Variants in NSUN6 observed in about 807,000 individuals in gnomAD.
NSUN6 encodes the protein NOP2/Sun RNA methyltransferase 6, also known as tRNA (cytosine(72)-C(5))-methyltransferase NSUN6.
In NSUN6, 64 loss-of-function variants were observed where a neutral mutation model predicts 58.0. That is an observed-to-expected ratio of 1.10 (90% confidence interval 0.90 to 1.36). The LOEUF (loss-of-function observed/expected upper bound fraction) is 1.36. Among genes scored for constraint, NSUN6 ranks in the 40% most tolerant of loss-of-function variants. The probability of loss-of-function intolerance (pLI) is 0.00; values close to 1 mark genes in which losing one functional copy is unlikely to be tolerated. For synonymous variants in NSUN6, 231 were observed against 193.9 expected (o/e 1.19, Z -1.59); for missense variants, 701 against 550.1 (o/e 1.27, Z -2.74).
chr10:18,584,011 A>G (rs1279846726), intron 8 of NSUN6, among the ~76,000 whole-genome samples: 2 of 152,156 alleles, frequency 1.3e-5, no homozygotes, highest in African/African-American at 2.4e-5. Context: ...CTTCTAACTA[A>G]GCCTCCAAGA....
Position 18,646,794 on chromosome 10 carries a change from G to A in NSUN6, c.231+1696C>T, listed in dbSNP as rs547021484. Among the ~76,000 whole-genome samples the A allele has an allele frequency of 4.9e-4, 75 of 152,270 alleles. 2 individuals carry two copies. Among genetic ancestry groups the A allele is most frequent in the African/African-American group, 1.7e-3 (71 of 41,552 alleles). On this transcript the variant is annotated intron_variant, in intron 2 of 10. Coordinates refer to ENST00000377304, the MANE Select transcript of NSUN6 (RefSeq NM_182543.5). ...TGCAGTGAGCCAAGATCGTGCCACC[G>A]CACTGCAGCCTGGGCGACAGAGTGA... is the stretch of plus-strand genomic sequence containing the variant.
intron 10 of NSUN6, among the ~76,000 whole-genome samples, chr10:18,546,647 G>C (rs944319226): frequency 2.0e-5 from 3 of 152,156 alleles, no homozygotes; most frequent in Non-Finnish European, 4.4e-5. Context: ...GGAGGCCGAG[G>C]CGGGCTGATT....
At chr10:18,568,732 C>G (rs919213725) in intron 8 of NSUN6, among the ~76,000 whole-genome samples, 1 of 151,518 alleles carries the variant, frequency 6.6e-6, no homozygotes, top group Non-Finnish European at 1.5e-5. Flanking sequence ...ATTTCATTCT[C>G]CATTGCATTC....
chr10:18,610,582 A>G (rs1298959968), intron 5 of NSUN6, among the ~76,000 whole-genome samples: 1 of 152,188 alleles, frequency 6.6e-6, no homozygotes, highest in Non-Finnish European at 1.5e-5. Context: ...ATTGCCTGGT[A>G]CTGACACAAT....
chr10:18,601,308 G>A (rs771965856), intron 6 of NSUN6, among the ~76,000 whole-genome samples: 4 of 151,942 alleles, frequency 2.6e-5, no homozygotes, highest in African/African-American at 4.8e-5. Context: ...AACATGCCAA[G>A]CAAAATAGAA....
At chr10:18,583,393 G>A (rs1216109160) in intron 8 of NSUN6, among the ~76,000 whole-genome samples, 2 of 152,078 alleles carry the variant, frequency 1.3e-5, no homozygotes, top group South Asian at 2.1e-4. Context: ...AGCCTGCTTG[G>A]TGGTCTCTTC....
At chr10:18,580,143 C>T (rs911209878) in intron 8 of NSUN6, among the ~76,000 whole-genome samples, 2 of 152,086 alleles carry the variant, frequency 1.3e-5, no homozygotes, top group East Asian at 1.9e-4. Flanking sequence ...CTCTCGCCAG[C>T]GGCAAAAACA....
intron 3 of NSUN6, among the ~76,000 whole-genome samples, chr10:18,641,896 G>C (rs1001106822): frequency 2.0e-5 from 3 of 152,010 alleles, no homozygotes; most frequent in African/African-American, 4.8e-5. Context: ...TAGTGTGACT[G>C]TTTCTACAAA....
At chr10:18,657,576 G>GT (rs1002849713), upstream of NSUN6, among the ~76,000 whole-genome samples, 9 of 151,446 alleles carry the variant, frequency 5.9e-5, no homozygotes, top group East Asian at 5.8e-4. Flanking sequence ...GAAATCTATA[G>GT]TTTTTTTTGC....
At chr10:18,625,808 T>C (rs1181186799) in intron 3 of NSUN6, among the ~76,000 whole-genome samples, 1 of 150,650 alleles carries the variant, frequency 6.6e-6, no homozygotes, top group Non-Finnish European at 1.5e-5. Context: ...ATGTCTAAAG[T>C]TGAATAACTA....
chr10:18,625,049 A>G (rs1357018240), intron 3 of NSUN6, among the ~76,000 whole-genome samples: 1 of 152,156 alleles, frequency 6.6e-6, no homozygotes, highest in Non-Finnish European at 1.5e-5. Flanking sequence ...ACTATTTTAC[A>G]TGTCACAATT....
At chr10:18,593,767 A>G (rs2057468779) in intron 7 of NSUN6, among the ~76,000 whole-genome samples, 1 of 151,996 alleles carries the variant, frequency 6.6e-6, no homozygotes, top group Non-Finnish European at 1.5e-5. Flanking sequence ...TGTGGGGCTT[A>G]AAACTTAGAT....
intron 6 of NSUN6, among the ~76,000 whole-genome samples, chr10:18,605,641 T>C (rs541618543): frequency 6.6e-6 from 1 of 152,318 alleles, no homozygotes; most frequent in African/African-American, 2.4e-5. Flanking sequence ...AGATAGGCTG[T>C]CAAAACAAAC....
intron 2 of NSUN6, among the ~76,000 whole-genome samples, chr10:18,647,929 G>A (rs1461307487): frequency 6.6e-6 from 1 of 152,206 alleles, no homozygotes; most frequent in South Asian, 2.1e-4. Context: ...AGTAGAGACA[G>A]GGTTTCGCCA....
intron 8 of NSUN6, among the ~76,000 whole-genome samples, chr10:18,564,550 CATTCCATTCTCT>C (rs2055780818): frequency 6.6e-6 from 1 of 151,022 alleles, no homozygotes; most frequent in African/African-American, 2.4e-5. Context: ...TTGTCCATTC[CATTCCATTCTCT>C]ATTCCATTCT....
intron 8 of NSUN6, among the ~76,000 whole-genome samples, chr10:18,581,995 C>T (rs966839931): frequency 6.6e-6 from 1 of 152,014 alleles, no homozygotes; most frequent in South Asian, 2.1e-4. Context: ...GGATCTGGAC[C>T]CCTTTCCAGT....
At chr10:18,548,277 C>A (rs753253416) in intron 9 of NSUN6, 40 bp from the exon 10 acceptor site, 237 of 1,551,062 alleles carry the variant, frequency 1.5e-4, no homozygotes, top group Non-Finnish European at 2.0e-4. Flanking sequence ...AGCACAAGAC[C>A]AGATAAACAT....
At chr10:18,646,676 C>G (rs2059555921) in intron 2 of NSUN6, among the ~76,000 whole-genome samples, 1 of 152,186 alleles carries the variant, frequency 6.6e-6, no homozygotes, top group Non-Finnish European at 1.5e-5. Context: ...AACCCCATCT[C>G]TACTAAAAAT....
rs530206562 is a variant in NSUN6, at chr10:18,553,058, C to T, written c.923-1087G>A. On this transcript the variant is annotated intron_variant, in intron 8 of 10. Transcript: ENST00000377304. ...TCCCTTCTCCATTCCATTTCCCAAT[C>T]CATTCTCCATTCCATTAAATTCCAT... Among the ~76,000 whole-genome samples the T allele has an allele frequency of 3.2e-4, 48 of 151,600 alleles. 1 individual carries two copies. The East Asian group carries it at 8.5e-3, about 27-fold the overall frequency.
Sources: allele counts gnomAD v4.1 joint callset (sites outside exome capture counted in the v4.1 genomes callset), GRCh38; gene constraint gnomAD v4.1.1; transcripts MANE v1.5; gene names NCBI Gene and HGNC (gene_info 2026-07-23, HGNC 2026-07-21).